THSD7A: variants seen among roughly 807,000 people sequenced by gnomAD.
THSD7A encodes the protein thrombospondin type-1 domain-containing protein 7A.
Under a neutral mutation model 231.3 loss-of-function variants are expected in THSD7A, and 96 were observed. The observed-to-expected ratio is 0.41, with a 90% CI of 0.35 to 0.49. THSD7A has a LOEUF of 0.49. Ranked by LOEUF, THSD7A falls within the 20% of genes least tolerant of loss-of-function variation. THSD7A has a pLI of 0.05. For missense variants in THSD7A, 2,290 were observed against 2,070.2 expected, an observed-to-expected ratio of 1.11 and a Z score of -2.06; for synonymous variants, 940 against 743.3, an observed-to-expected ratio of 1.26 and a Z score of -4.30.
intron 6 of THSD7A, among the ~76,000 whole-genome samples, chr7:11,541,177 T>G (rs1789130815): frequency 6.6e-6 from 1 of 152,220 alleles, no homozygotes; most frequent in South Asian, 2.1e-4. Context: ...TTATATGATC[T>G]GTTCTGTTTT....
At chr7:11,530,154 C>A (rs1401086570) in intron 6 of THSD7A, among the ~76,000 whole-genome samples, 1 of 152,082 alleles carries the variant, frequency 6.6e-6, no homozygotes, top group African/African-American at 2.4e-5. Flanking sequence ...TGAGAGGAAT[C>A]CTTCAAATTT....
At chr7:11,445,916 A>T (rs1784954224) in intron 13 of THSD7A, 145 bp downstream of exon 13, 1 of 993,176 alleles carries the variant, frequency 1.0e-6, no homozygotes, top group South Asian at 1.6e-5. Flanking sequence ...GTTACATATA[A>T]ATGATATATG....
rs1314211557 is a variant in THSD7A, at chr7:11,407,014, C to G, written c.3958G>C (p.Gly1320Arg). 1 of 1,613,832 alleles carries G rather than the reference C, an allele frequency of 6.2e-7. No homozygotes were observed. Among genetic ancestry groups the G allele is most frequent in the South Asian group, 1.1e-5 (1 of 91,064 alleles). ...RRRTVTQPFQ[G>R]DGRPCPSLMD... ...AGGGAAGGGCATGGTCTTCCATCAC[C>G]TTGAAAGGGCTGGGTCACTGTTCGT... Residue 1320 changes from glycine to arginine, a missense_variant, in exon 21 of 28, where the codon GGT becomes CGT. Coordinates refer to ENST00000423059, the MANE Select transcript of THSD7A (RefSeq NM_015204.3).
chr7:11,685,733 G>A (rs539793228), intron 1 of THSD7A, among the ~76,000 whole-genome samples: 62 of 151,974 alleles, frequency 4.1e-4, no homozygotes, highest in African/African-American at 1.4e-3. Flanking sequence ...ATGTTGATGA[G>A]GTTATAGAGA....
chr7:11,674,161 C>G lies in THSD7A; in HGVS notation c.191-37200G>C, dbSNP rs560790969. 2.4e-4 allele frequency among the ~76,000 whole-genome samples: 36 copies of G among 152,122 alleles called. 1 individual carries two copies. In the East Asian group the frequency reaches 5.5e-3, roughly 23 times the overall value. ...GTAGAGCAAGGCCCACTAAATCCCCCCTTGGGACAAAGGAAGCCTGGGTAC... is the reference window on the plus strand; with the variant it reads ...GTAGAGCAAGGCCCACTAAATCCCCGCTTGGGACAAAGGAAGCCTGGGTAC... On this transcript the variant is annotated intron_variant, in intron 1 of 27. Transcript: ENST00000423059.
intron 1 of THSD7A, among the ~76,000 whole-genome samples, chr7:11,672,601 A>G (rs1034965621): frequency 6.6e-6 from 1 of 152,206 alleles, no homozygotes; most frequent in Non-Finnish European, 1.5e-5. Context: ...AATATAATAC[A>G]ATCATCTTGA....
chr7:11,507,792 G>A (rs780872155), intron 6 of THSD7A, among the ~76,000 whole-genome samples: 1 of 151,960 alleles, frequency 6.6e-6, no homozygotes, highest in Non-Finnish European at 1.5e-5. Context: ...CACAACTTAT[G>A]GATGGGAAAA....
chr7:11,381,929 T>C (rs1242921183), intron 24 of THSD7A, among the ~76,000 whole-genome samples: 1 of 152,142 alleles, frequency 6.6e-6, no homozygotes, highest in African/African-American at 2.4e-5. Flanking sequence ...TACAATCAAA[T>C]AAAGTTCTTC....
At chr7:11,773,066 G>A (rs1461198204) in intron 1 of THSD7A, among the ~76,000 whole-genome samples, 3 of 152,106 alleles carry the variant, frequency 2.0e-5, no homozygotes, top group Non-Finnish European at 4.4e-5. Context: ...AAACCTCTGT[G>A]TACCTAAGAA....
chr7:11,796,409 T>C (rs1203204235), intron 1 of THSD7A, among the ~76,000 whole-genome samples: 5 of 151,892 alleles, frequency 3.3e-5, no homozygotes, highest in Admixed American at 3.3e-4. Flanking sequence ...AATAATTTTG[T>C]ACAGCTCTCG....
intron 1 of THSD7A, among the ~76,000 whole-genome samples, chr7:11,702,882 C>T (rs974092926): frequency 6.6e-6 from 1 of 151,248 alleles, no homozygotes; most frequent in Non-Finnish European, 1.5e-5. Flanking sequence ...ACTGACATCA[C>T]TTACTTCCTC....
At chr7:11,539,450 CT>C (rs1412217664) in intron 6 of THSD7A, among the ~76,000 whole-genome samples, 1 of 152,048 alleles carries the variant, frequency 6.6e-6, no homozygotes, top group Non-Finnish European at 1.5e-5. Context: ...GCATACTTAC[CT>C]TTTTAAAATT....
At chr7:11,504,362 G>T (rs1284803205) in intron 6 of THSD7A, among the ~76,000 whole-genome samples, 1 of 152,072 alleles carries the variant, frequency 6.6e-6, no homozygotes, top group African/African-American at 2.4e-5. Context: ...ATGGGGTACT[G>T]AGCTTAATAC....
chr7:11,481,771 T>G lies in THSD7A; in HGVS notation c.2017+17A>C. 6.3e-7 allele frequency: 1 copy of G among 1,581,814 alleles called. No individual in the cohort carries two copies. On this transcript the variant is annotated intron_variant, in intron 7 of 27. Coordinates refer to ENST00000423059, the MANE Select transcript of THSD7A (RefSeq NM_015204.3). ...TTTTGAAACGAACCTAGATGGCGTC[T>G]GAAGCTGGCGACTCACCTTCTTCAC...
intron 9 of THSD7A, among the ~76,000 whole-genome samples, chr7:11,465,881 G>T (rs905268934): frequency 6.6e-6 from 1 of 151,988 alleles, no homozygotes; most frequent in African/African-American, 2.4e-5. Context: ...TGTGCATAAG[G>T]TATTTCTATT....
intron 1 of THSD7A, among the ~76,000 whole-genome samples, chr7:11,724,152 G>A (rs1242749807): frequency 6.6e-6 from 1 of 151,954 alleles, no homozygotes; most frequent in Non-Finnish European, 1.5e-5. Flanking sequence ...TGGAGTAAGA[G>A]AGATCAAGAA....
rs765297919 is a variant in THSD7A, at chr7:11,402,810, C to T, written c.4238-842G>A. On this transcript the variant is annotated intron_variant, in intron 22 of 27. Transcript: ENST00000423059. The stretch of plus-strand genomic sequence containing the variant: ...TTTATGAAGTTCTAATTTCTTCATT[C>T]GTACAACTTTCCATTGTGTGAATAT... 3.3e-5 allele frequency among the ~76,000 whole-genome samples: 5 copies of T among 152,120 alleles called. 1 individual carries two copies. The highest frequency in any genetic ancestry group is 2.0e-4 in the Admixed American group (3 of 15,282).
chr7:11,543,961 A>G (rs562209273), intron 4 of THSD7A, among the ~76,000 whole-genome samples: 1 of 152,268 alleles, frequency 6.6e-6, no homozygotes, highest in South Asian at 2.1e-4. Flanking sequence ...GAAGAGAATC[A>G]AGTTTAGCTG....
At chr7:11,543,294 G>A (rs1415557887) in intron 4 of THSD7A, among the ~76,000 whole-genome samples, 177 bp from the exon 5 acceptor site, 2 of 152,196 alleles carry the variant, frequency 1.3e-5, no homozygotes, top group African/African-American at 4.8e-5. Flanking sequence ...GGAAATAAAA[G>A]AGGCAATAAA....
Sources: gnomAD v4.1 joint callset for allele counts (sites outside exome capture counted in the v4.1 genomes callset) on GRCh38, gnomAD v4.1.1 for gene constraint, MANE v1.5 for transcripts, NCBI Gene and HGNC (gene_info 2026-07-23, HGNC 2026-07-21) for gene names.